TSHZ3: variants seen among roughly 807,000 people sequenced by gnomAD.
TSHZ3 encodes teashirt homolog 3.
Under a neutral mutation model 64.5 loss-of-function variants are expected in TSHZ3, and 10 were observed. The observed-to-expected ratio is 0.16, with a 90% confidence interval of 0.10 to 0.26. The LOEUF (loss-of-function observed/expected upper bound fraction) is 0.26. TSHZ3 is among the 10% of genes least tolerant of loss of function. The probability of loss-of-function intolerance (pLI) is 1.00; values close to 1 mark genes in which losing one functional copy is unlikely to be tolerated. For synonymous variants in TSHZ3, 608 were observed against 593.1 expected (o/e 1.03, Z -0.36); for missense variants, 1,242 against 1,421.7 (o/e 0.87, Z 2.03).
In TSHZ3 at chr19:31,285,011, G is replaced by A. The variant is rs140413341; in HGVS notation, c.41-5259C>T. On this transcript the variant is annotated intron_variant, in intron 1 of 1. Coordinates refer to ENST00000240587, the MANE Select transcript of TSHZ3 (RefSeq NM_020856.4). ...GAGACCCAAAGTCCATCCTAGGCAA[G>A]TTCTGTCTGAGAGTGACTGGCACAT... Among the ~76,000 whole-genome samples, 231 of 152,316 alleles carry A rather than the reference G, an allele frequency of 1.5e-3. No homozygotes were observed. The Middle Eastern group carries it at 0.037, about 25-fold the overall frequency.
intron 5 of TSHZ3, among the ~76,000 whole-genome samples, chr19:31,195,376 G>T (rs1292336083): frequency 6.6e-6 from 1 of 151,986 alleles, no homozygotes; most frequent in African/African-American, 2.4e-5. Flanking sequence ...CTATAGAGAA[G>T]CAAAAATAAG....
At chr19:31,156,706 AT>A (rs374997917) in intron 5 of TSHZ3, among the ~76,000 whole-genome samples, 2 of 151,682 alleles carry the variant, frequency 1.3e-5, no homozygotes, top group Admixed American at 6.6e-5. Flanking sequence ...TGGTTCATGG[AT>A]TTTTTTTTCT....
At chr19:31,158,136 G>C (rs892289779) in intron 5 of TSHZ3, among the ~76,000 whole-genome samples, 1 of 152,204 alleles carries the variant, frequency 6.6e-6, no homozygotes, top group African/African-American at 2.4e-5. Flanking sequence ...TTAAAAATGT[G>C]AGATTTATCT....
At chr19:31,257,721 G>T (rs1464160365) in intron 1 of TSHZ3, among the ~76,000 whole-genome samples, 1 of 152,212 alleles carries the variant, frequency 6.6e-6, no homozygotes, top group Non-Finnish European at 1.5e-5. Context: ...GACGCGAGGG[G>T]CTTGTCCCTG....
Position 31,278,858 on chromosome 19 carries a change from A to G in TSHZ3, c.935T>C (p.Val312Ala). The G allele has an allele frequency of 2.5e-6, 4 of 1,614,108 alleles. No homozygotes were observed. The African/African-American group carries it at 5.3e-5, about 22-fold the overall frequency. ...AGTGGCAGGGATGATTTTGGCGGCG[A>G]CAGGAGTGACGGGTTCCTTCAGAGG... ...KVPLKEPVTPVAAKIIPATRK... is the reference protein window; with the variant it reads ...KVPLKEPVTPAAAKIIPATRK... Residue 312 changes from valine to alanine, a missense_variant, in exon 2 of 2, where the codon GTC becomes GCC. By Grantham distance (64) the Val-to-Ala change is moderately conservative (BLOSUM62 0). Transcript: ENST00000240587. This position sits in a 1 kb window ranked among gnomAD's most constrained non-coding sequence, Gnocchi z 4.7.
chr19:31,349,771 C>A (rs1156652672), upstream of TSHZ3, among the ~76,000 whole-genome samples: 1 of 148,100 alleles, frequency 6.8e-6, no homozygotes, highest in South Asian at 2.1e-4. Flanking sequence ...GGACGCGCAG[C>A]CGCCGCCGCG....
intron 3 of TSHZ3, among the ~76,000 whole-genome samples, chr19:31,241,434 C>T (rs559203181): frequency 2.0e-5 from 3 of 152,266 alleles, no homozygotes; most frequent in Non-Finnish European, 4.4e-5. Flanking sequence ...GGTTGAGAAT[C>T]AAGCATCCAG....
At chr19:31,263,346 G>C (rs1330425522) in intron 1 of TSHZ3, among the ~76,000 whole-genome samples, 1 of 152,246 alleles carries the variant, frequency 6.6e-6, no homozygotes, top group Non-Finnish European at 1.5e-5. Flanking sequence ...GTGGGCACTG[G>C]ATGAGAATCC....
rs771485583 is a variant in TSHZ3 at position 31,278,797 on chromosome 19, G to T, written c.996C>A (p.Ser332Arg). The change falls in exon 2 of 2, where the codon AGC (serine) becomes AGA (arginine). Residue 332 changes from serine to arginine, a missense_variant. Ser to Arg is a moderately radical substitution (Grantham distance 110, BLOSUM62 -1). Coordinates refer to ENST00000240587, the MANE Select transcript of TSHZ3 (RefSeq NM_020856.4). This position sits in a 1 kb window ranked among gnomAD's most constrained non-coding sequence, Gnocchi z 4.7. ...KKASLELELP[S>R]SPDSTGGTPK... ...GGGTTCCACCTGTGGAATCTGGGGAGCTGGGGAGCTCCAGCTCCAGGGAAG... is the reference window on the plus strand; with the variant it reads ...GGGTTCCACCTGTGGAATCTGGGGATCTGGGGAGCTCCAGCTCCAGGGAAG... 6.2e-7 allele frequency: 1 copy of T among 1,614,204 alleles called. No homozygotes were observed. Among genetic ancestry groups the T allele is most frequent in the East Asian group, 2.2e-5 (1 of 44,872 alleles).
Position 31,303,196 on chromosome 19 carries a change from C to G in TSHZ3, c.41-23444G>C, listed in dbSNP as rs16965428. 9.5e-3 allele frequency among the ~76,000 whole-genome samples: 1,447 copies of G among 152,322 alleles called. 28 individuals carry two copies. The highest frequency in any genetic ancestry group is 0.033 in the African/African-American group (1,370 of 41,562). ...GGGGTTGACAACATCAGATTCCTAA[C>G]AGCCAAGCCTTCACTCCGGCAAATC... On this transcript the variant is annotated intron_variant, in intron 1 of 1. Coordinates refer to ENST00000240587, the MANE Select transcript of TSHZ3 (RefSeq NM_020856.4).
intron 1 of TSHZ3, among the ~76,000 whole-genome samples, chr19:31,286,560 G>A (rs758665228): frequency 1.7e-4 from 26 of 152,334 alleles, no homozygotes; most frequent in Admixed American, 3.9e-4. Flanking sequence ...CACTTGCACT[G>A]AGGAACCAGT....
intron 5 of TSHZ3, among the ~76,000 whole-genome samples, chr19:31,201,075 G>A (rs1487627324): frequency 2.0e-5 from 3 of 152,122 alleles, no homozygotes; most frequent in African/African-American, 4.8e-5. Context: ...TGACAGTGTC[G>A]TGATAGGTGC....
At chr19:31,273,142 G>A (rs1285676117), downstream of TSHZ3, among the ~76,000 whole-genome samples, 2 of 152,150 alleles carry the variant, frequency 1.3e-5, no homozygotes, top group Non-Finnish European at 2.9e-5. Flanking sequence ...AAATGGCCCT[G>A]AATTTCCAAG....
chr19:31,349,810 C>A (rs1404592128), upstream of TSHZ3, among the ~76,000 whole-genome samples: 1 of 145,694 alleles, frequency 6.9e-6, no homozygotes, highest in Non-Finnish European at 1.5e-5. Context: ...CAGTCTTCTG[C>A]CCGTGGCGCG....
intron 3 of TSHZ3, among the ~76,000 whole-genome samples, chr19:31,239,821 G>T (rs921072079): frequency 2.6e-5 from 4 of 152,060 alleles, no homozygotes; most frequent in Admixed American, 6.6e-5. Context: ...GAGTTCAAGT[G>T]ATTCTCCTAC....
intron 1 of TSHZ3, chr19:31,308,224 G>C (rs1916353790): frequency 6.5e-6 from 1 of 153,700 alleles, no homozygotes; most frequent in Admixed American, 6.5e-5. Flanking sequence ...GTCAATGGTA[G>C]GTGGTGGCTA....
At chr19:31,301,964 A>G (rs1010081937) in intron 1 of TSHZ3, among the ~76,000 whole-genome samples, 1 of 152,054 alleles carries the variant, frequency 6.6e-6, no homozygotes, top group African/African-American at 2.4e-5. Context: ...CGCCTGTTAC[A>G]TTCCACACCC....
intron 1 of TSHZ3, among the ~76,000 whole-genome samples, chr19:31,265,472 C>T (rs1976043502): frequency 6.6e-6 from 1 of 151,048 alleles, no homozygotes; most frequent in African/African-American, 2.4e-5. Flanking sequence ...AATCCCATAC[C>T]TTGGTTTCTC....
chr19:31,279,053 T>C lies in TSHZ3; in HGVS notation c.740A>G (p.Asp247Gly), dbSNP rs749597184. 2.5e-6 allele frequency: 4 copies of C among 1,613,988 alleles called. No individual in the cohort carries two copies. The highest frequency in any genetic ancestry group is 2.5e-6 in the Non-Finnish European group (3 of 1,180,000). ...GGACCAGCGCTTGGGGTTGTTGTTA[T>C]CGGTCTCATGGTTGTCGTCGCGGTA... ...GHYRDDNHET[D>G]NNNPKRWSKP... Residue 247 changes from aspartate to glycine, a missense_variant, in exon 2 of 2, where the codon GAT (aspartate) becomes GGT (glycine). Around this residue, in one of 4 missense-constraint regions of TSHZ3, gnomAD observed 555 missense variants for 704.0 expected, o/e 0.79. Coordinates refer to ENST00000240587, the MANE Select transcript of TSHZ3 (RefSeq NM_020856.4). The surrounding 1 kb of genome is among the most constrained non-coding windows in gnomAD (Gnocchi z 6.4).
Sources: allele counts gnomAD v4.1 joint callset (sites outside exome capture counted in the v4.1 genomes callset), GRCh38; gene constraint gnomAD v4.1.1; regional missense constraint gnomAD v4.1.1; non-coding constraint Gnocchi (gnomAD v3.1); transcripts MANE v1.5; gene names NCBI Gene and HGNC (gene_info 2026-07-23, HGNC 2026-07-21).